LUZP2: variants seen among roughly 807,000 people sequenced by gnomAD.
LUZP2 encodes the protein leucine zipper protein 2.
A neutral mutation model predicts 51.6 loss-of-function variants in LUZP2; 52 were observed. The ratio of observed to expected loss-of-function variants is 1.01; its 90% CI spans 0.81 to 1.27. The LOEUF is 1.27. LUZP2 is among the 50% of genes most tolerant of loss of function. The pLI, the probability that LUZP2 is intolerant of heterozygous loss-of-function variation, is 0.00. For missense variants in LUZP2, 436 were observed against 395.4 expected (o/e 1.10, Z -0.87); for synonymous variants, 154 against 137.3 (o/e 1.12, Z -0.85).
intron 1 of LUZP2, among the ~76,000 whole-genome samples, chr11:24,600,023 T>C (rs1290710731): frequency 2.0e-5 from 3 of 152,138 alleles, no homozygotes. Flanking sequence ...AAAAGATATG[T>C]TGAATTCCTA....
At chr11:24,666,889 G>A (rs1297226669) in intron 1 of LUZP2, among the ~76,000 whole-genome samples, 4 of 152,158 alleles carry the variant, frequency 2.6e-5, no homozygotes, top group African/African-American at 9.7e-5. Flanking sequence ...GCAAAGCATG[G>A]TGGACAGAAT....
At chr11:24,757,703 T>C (rs537334578) in intron 4 of LUZP2, among the ~76,000 whole-genome samples, 2 of 151,872 alleles carry the variant, frequency 1.3e-5, no homozygotes, top group Admixed American at 6.5e-5. Flanking sequence ...ATGATAAAAA[T>C]TGAATAAGAA....
chr11:25,044,034 G>GTCTATATATATCTGATATATATAGAC (rs1858175329), intron 9 of LUZP2, among the ~76,000 whole-genome samples: 3 of 62,994 alleles, frequency 4.8e-5, no homozygotes, highest in African/African-American at 2.0e-4. Flanking sequence ...TATATATAGA[G>GTCTATATATATCTGATATATATAGAC]TCTATATATA....
chr11:25,024,344 A>C (rs1400130266), intron 9 of LUZP2, among the ~76,000 whole-genome samples: 2 of 152,176 alleles, frequency 1.3e-5, no homozygotes, highest in East Asian at 3.9e-4. Flanking sequence ...TTAGGAAATG[A>C]GGAAGTCAAA....
chr11:25,019,109 C>G (rs11028353), intron 9 of LUZP2, among the ~76,000 whole-genome samples: 1 of 151,800 alleles, frequency 6.6e-6, no homozygotes, highest in Non-Finnish European at 1.5e-5. Context: ...TCATTGAAGT[C>G]TATATTTTAC....
At chr11:24,815,766 G>T (rs990944291) in intron 5 of LUZP2, among the ~76,000 whole-genome samples, 1 of 152,086 alleles carries the variant, frequency 6.6e-6, no homozygotes, top group Non-Finnish European at 1.5e-5. Flanking sequence ...AAAATGCTCT[G>T]AGTGTCATTA....
intron 10 of LUZP2, among the ~76,000 whole-genome samples, chr11:25,062,610 A>AAG (rs1858876272): frequency 6.7e-6 from 1 of 149,202 alleles, no homozygotes. Flanking sequence ...AAAAAAAAAA[A>AAG]AAAGAAAGGA....
chr11:24,819,157 A>G (rs983284090), intron 5 of LUZP2, among the ~76,000 whole-genome samples: 1 of 152,126 alleles, frequency 6.6e-6, no homozygotes, highest in Non-Finnish European at 1.5e-5. Flanking sequence ...GGAGGCAAAT[A>G]TAATGGGAAG....
At chr11:25,064,220 A>G (rs1390655192) in intron 10 of LUZP2, among the ~76,000 whole-genome samples, 3 of 152,090 alleles carry the variant, frequency 2.0e-5, no homozygotes, top group Non-Finnish European at 4.4e-5. Context: ...ATATTATACA[A>G]TTATTATTTT....
chr11:24,654,903 G>T (rs545169560), intron 1 of LUZP2, among the ~76,000 whole-genome samples: 1 of 151,712 alleles, frequency 6.6e-6, no homozygotes, highest in African/African-American at 2.4e-5. Flanking sequence ...AAAAAATAAA[G>T]ATGTTCCTTG....
At chr11:25,015,667 A>G (rs1189418637) in intron 9 of LUZP2, among the ~76,000 whole-genome samples, 1 of 152,068 alleles carries the variant, frequency 6.6e-6, no homozygotes, top group Non-Finnish European at 1.5e-5. Flanking sequence ...GAGGTGTGGT[A>G]CATTTGCCAA....
chr11:24,531,054 A>ATTATTATTATTATTATTATTG (rs1403626474), intron 1 of LUZP2, among the ~76,000 whole-genome samples: 256 of 147,036 alleles, frequency 1.7e-3, no homozygotes, highest in African/African-American at 6.2e-3. Context: ...TATTATTATT[A>ATTATTATTATTATTATTATTG]TTATTATTAT....
chr11:24,893,770 A>ACG (rs1158791348), intron 5 of LUZP2, among the ~76,000 whole-genome samples: 6 of 23,682 alleles, frequency 2.5e-4, no homozygotes, highest in African/African-American at 7.0e-4. Context: ...ACAAATACAC[A>ACG]CGCACACACA....
intron 5 of LUZP2, among the ~76,000 whole-genome samples, chr11:24,842,886 C>A (rs1409538286): frequency 6.6e-6 from 1 of 151,156 alleles, no homozygotes; most frequent in South Asian, 2.1e-4. Context: ...GGAAGAAAAG[C>A]AAATTAAACC....
At chr11:24,657,034 A>G (rs990700321) in intron 1 of LUZP2, among the ~76,000 whole-genome samples, 6 of 152,192 alleles carry the variant, frequency 3.9e-5, no homozygotes, top group African/African-American at 1.4e-4. Flanking sequence ...TAATATTCTG[A>G]TAATAAAAGT....
At chr11:24,755,869 A>G (rs906325644) in intron 4 of LUZP2, among the ~76,000 whole-genome samples, 3 of 152,162 alleles carry the variant, frequency 2.0e-5, no homozygotes, top group Non-Finnish European at 4.4e-5. Context: ...CATATTTTGA[A>G]ATGGCTCTTT....
chr11:24,681,155 G>C (rs1244812140), intron 1 of LUZP2, among the ~76,000 whole-genome samples: 1 of 151,404 alleles, frequency 6.6e-6, no homozygotes, highest in Non-Finnish European at 1.5e-5. Context: ...CTAATTTTTT[G>C]TATTTTTAGT....
intron 5 of LUZP2, among the ~76,000 whole-genome samples, chr11:24,827,603 AT>A (rs1850580898): frequency 1.3e-5 from 2 of 152,140 alleles, no homozygotes; most frequent in Admixed American, 1.3e-4. Context: ...TAGCAGGACA[AT>A]ATGACTAAAA....
chr11:24,968,762 G>A (rs59203822), intron 7 of LUZP2, among the ~76,000 whole-genome samples: 1,739 of 152,192 alleles, frequency 0.011, 34 homozygotes, highest in African/African-American at 0.038. Flanking sequence ...TCTGCTTTCC[G>A]CTTCAATTGC....
Sources: gnomAD v4.1 joint callset for allele counts (sites outside exome capture counted in the v4.1 genomes callset) on GRCh38, gnomAD v4.1.1 for gene constraint, MANE v1.5 for transcripts, NCBI Gene and HGNC (gene_info 2026-07-23, HGNC 2026-07-21) for gene names.